The following AP2A2 variants were observed in gnomAD, a reference collection of about 807,000 sequenced individuals.
The protein encoded by AP2A2 is adaptor related protein complex 2 subunit alpha 2, also known as AP-2 complex subunit alpha-2.
In AP2A2, 32 loss-of-function variants were observed where a neutral mutation model predicts 104.2. The observed-to-expected ratio is 0.31, with a 90% CI of 0.23 to 0.41. The LOEUF (loss-of-function observed/expected upper bound fraction) is 0.41, where lower values mean the gene tolerates loss of function less well. Among genes scored for constraint, AP2A2 ranks in the 10% least tolerant of loss-of-function variants. The pLI, the probability that AP2A2 is intolerant of heterozygous loss-of-function variation, is 1.00. For missense variants in AP2A2, 912 were observed against 1,261.0 expected, an observed-to-expected ratio of 0.72 and a Z score of 4.19; for synonymous variants, 539 against 533.3, an observed-to-expected ratio of 1.01 and a Z score of -0.15.
chr11:994,866 ACCCTGCTGGCCTGTCCCGGGGGCCACTGT>A (rs1855797910), intron 14 of AP2A2, among the ~76,000 whole-genome samples: 1 of 85,284 alleles, frequency 1.2e-5, no homozygotes, highest in African/African-American at 4.8e-5. Context: ...CCTGCTGCAC[ACCCTGCTGGCCTGTCCCGGGGGCCACTGT>A]CCCTGCTGGA....
At chr11:990,339 A>G (rs1855603339) in intron 10 of AP2A2, among the ~76,000 whole-genome samples, 1 of 152,150 alleles carries the variant, frequency 6.6e-6, no homozygotes, top group African/African-American at 2.4e-5. Flanking sequence ...GACTGTAGCC[A>G]GTGGTCCCTC....
chr11:1,007,773 A>G (rs1856259204), intron 17 of AP2A2: 2 of 604,208 alleles, frequency 3.3e-6, no homozygotes, highest in Admixed American at 5.9e-5. Flanking sequence ...GTAGTATATA[A>G]TCTAAGTGAC....
chr11:947,733 G>A (rs544427704), intron 1 of AP2A2, among the ~76,000 whole-genome samples: 1 of 152,280 alleles, frequency 6.6e-6, no homozygotes, highest in Non-Finnish European at 1.5e-5. Flanking sequence ...GGAGACCAAG[G>A]TGGGAGGGTT....
Position 925,946 on chromosome 11 carries a change from C to T in AP2A2, c.-76C>T. 2 of 1,164,768 alleles carry T rather than the reference C, an allele frequency of 1.7e-6. No homozygotes were observed. Among genetic ancestry groups the T allele is most frequent in the Non-Finnish European group, 1.1e-6 (1 of 887,206 alleles). 72.2% of individuals were successfully genotyped at this position (1,164,768 alleles called of 1,614,324 possible). ...GGCTCCTCCGCGGCGGTGACGGCGA[C>T]CGCACTCCCCGCTTCCCGCTCCCCG... On this transcript the variant is annotated 5_prime_UTR_variant, in exon 1 of 22. Transcript: ENST00000448903.
chr11:1,007,955 G>A, intron 17 of AP2A2, 57 bp from the exon 18 acceptor site: 1 of 1,550,324 alleles, frequency 6.5e-7, no homozygotes, highest in Non-Finnish European at 8.7e-7. Flanking sequence ...CTCTAGCCCG[G>A]CCCGTTTCCG....
chr11:979,864 G>C (rs184108647), intron 5 of AP2A2, among the ~76,000 whole-genome samples: 4 of 152,152 alleles, frequency 2.6e-5, no homozygotes, highest in Admixed American at 6.5e-5. Context: ...CCGTGCCCAC[G>C]CAAGTAGACA....
chr11:952,416 A>G (rs1369299672), intron 1 of AP2A2, among the ~76,000 whole-genome samples: 2 of 152,216 alleles, frequency 1.3e-5, no homozygotes, highest in Non-Finnish European at 2.9e-5. Flanking sequence ...GTAAAAATTC[A>G]AGAGCTTTTA....
chr11:937,297 G>C (rs1481128887), intron 1 of AP2A2, among the ~76,000 whole-genome samples: 1 of 152,056 alleles, frequency 6.6e-6, no homozygotes, highest in Non-Finnish European at 1.5e-5. Flanking sequence ...TGGGATTACA[G>C]GTGTGCGCCA....
intron 4 of AP2A2, among the ~76,000 whole-genome samples, chr11:973,227 C>G (rs1854895427): frequency 2.0e-5 from 3 of 152,204 alleles, no homozygotes; most frequent in Admixed American, 2.0e-4. Flanking sequence ...GGCGTCTCAA[C>G]TGGGCCACAT....
rs766671799 is a variant in AP2A2 at position 1,009,763 on chromosome 11, G to A, written c.2688G>A (p.Thr896=). The change falls in exon 21 of 22, where the codon ACG becomes ACA. Residue 896 remains threonine, a synonymous_variant. Coordinates refer to ENST00000448903, the MANE Select transcript of AP2A2 (RefSeq NM_012305.4). ...ANFVGAGIIH[T]KTTQIGCLLR... is the part of the protein sequence containing the mutation. The stretch of plus-strand genomic sequence containing the variant: ...TCGTGGGAGCTGGAATCATCCACAC[G>A]AAAACCACCCAGATTGGATGCCTGC... 226 of 1,551,920 alleles carry A rather than the reference G, an allele frequency of 1.5e-4. No homozygotes were observed. Among genetic ancestry groups the A allele is most frequent in the Middle Eastern group, 5.0e-4 (3 of 6,014 alleles).
At chr11:1,007,693 G>C (rs1856256800) in intron 17 of AP2A2, 1 of 427,128 alleles carries the variant, frequency 2.3e-6, no homozygotes, top group East Asian at 5.1e-5. Context: ...CTAAGCACCA[G>C]TTTCTGCTAA....
chr11:927,152 C>G (rs993377530), intron 1 of AP2A2, among the ~76,000 whole-genome samples: 1 of 152,110 alleles, frequency 6.6e-6, no homozygotes, highest in Non-Finnish European at 1.5e-5. Context: ...CTCAACCTCC[C>G]ACCTCAAGTG....
At chr11:1,003,890 G>T in intron 16 of AP2A2, 86 bp downstream of exon 16, 1 of 843,150 alleles carries the variant, frequency 1.2e-6, no homozygotes. Flanking sequence ...TACTTATAAG[G>T]GATAGATATC....
At chr11:958,852 C>T (rs151335679) in intron 1 of AP2A2, among the ~76,000 whole-genome samples, 8 of 152,228 alleles carry the variant, frequency 5.3e-5, no homozygotes, top group Admixed American at 2.6e-4. Flanking sequence ...TCAGTCCATA[C>T]GGCAGGGGAG....
chr11:1,009,517 G>A lies in AP2A2; in HGVS notation c.2607+120G>A, dbSNP rs545559354. On this transcript the variant is annotated intron_variant, in intron 20 of 21. Coordinates refer to ENST00000448903, the MANE Select transcript of AP2A2 (RefSeq NM_012305.4). ...ACCCCGCGCCAGGGTCTGGAGGGAC[G>A]GCCCCGGGGGACACGCAGCCCGCGA... is the stretch of plus-strand genomic sequence containing the variant. 9.2e-5 allele frequency: 121 copies of A among 1,321,036 alleles called. No individual in the cohort carries two copies. In the African/African-American group the frequency reaches 1.5e-3, roughly 16 times the overall value. The allele number at this position is 1,321,036 out of a possible 1,614,324, so 81.8% of individuals were successfully genotyped here.
chr11:971,858 A>G (rs1489789510), intron 3 of AP2A2, among the ~76,000 whole-genome samples: 1 of 152,136 alleles, frequency 6.6e-6, no homozygotes, highest in Non-Finnish European at 1.5e-5. Context: ...CCATGAGAGC[A>G]TCGTAGCAGA....
At chr11:961,803 C>T (rs1854449705) in intron 2 of AP2A2, among the ~76,000 whole-genome samples, 1 of 141,082 alleles carries the variant, frequency 7.1e-6, no homozygotes, top group Non-Finnish European at 1.5e-5. Flanking sequence ...CTGACAGAGT[C>T]GCCGCCACGA....
intron 4 of AP2A2, among the ~76,000 whole-genome samples, chr11:972,691 C>T (rs1589980379): frequency 6.6e-6 from 1 of 152,238 alleles, no homozygotes; most frequent in African/African-American, 2.4e-5. Context: ...GAGCGAGACC[C>T]TGTCTCCAAA....
Position 1,000,504 on chromosome 11 carries a change from T to C in AP2A2, c.2029T>C (p.Ser677Pro). ...APPAPAGPPP[S>P]SGGSGLLVDV... ...CCCTGCCCCCGCGGGCCCCCCACCCTCCTCCGGCGGCAGCGGGCTGCTCGT... is the reference window on the plus strand; with the variant it reads ...CCCTGCCCCCGCGGGCCCCCCACCCCCCTCCGGCGGCAGCGGGCTGCTCGT... The change falls in exon 15 of 22, where the codon TCC (serine) becomes CCC (proline). Residue 677 changes from serine (S) to proline (P), a missense_variant. Coordinates refer to ENST00000448903, the MANE Select transcript of AP2A2 (RefSeq NM_012305.4). 1 of 1,537,140 alleles carries C rather than the reference T, an allele frequency of 6.5e-7. No individual in the cohort carries two copies.
Sources: allele counts gnomAD v4.1 joint callset (sites outside exome capture counted in the v4.1 genomes callset), GRCh38; gene constraint gnomAD v4.1.1; transcripts MANE v1.5; gene names NCBI Gene and HGNC (gene_info 2026-07-23, HGNC 2026-07-21).